The following RTN1 variants were observed in gnomAD, a reference collection of about 807,000 sequenced individuals.
The protein encoded by RTN1 is reticulon 1.
Under a neutral mutation model 65.5 loss-of-function variants are expected in RTN1, and 25 were observed. That is an observed-to-expected ratio of 0.38 (90% CI 0.28 to 0.53). The LOEUF is 0.53. RTN1 is among the 20% of genes least tolerant of loss of function. RTN1 has a pLI of 0.79. For missense variants in RTN1, 983 were observed against 1,025.4 expected (o/e 0.96, Z 0.57); for synonymous variants, 471 against 447.6 (o/e 1.05, Z -0.66).
intron 3 of RTN1, among the ~76,000 whole-genome samples, chr14:59,615,608 C>A (rs142464506): frequency 1.3e-5 from 2 of 152,230 alleles, no homozygotes; most frequent in African/African-American, 4.8e-5. Context: ...GAAAATCTTA[C>A]CCTATGGTCA....
At chr14:59,731,205 C>A (rs903696878) in intron 2 of RTN1, among the ~76,000 whole-genome samples, 1 of 152,074 alleles carries the variant, frequency 6.6e-6, no homozygotes, top group Non-Finnish European at 1.5e-5. Flanking sequence ...ATATGTGTTA[C>A]AACATGGCTA....
intron 3 of RTN1, among the ~76,000 whole-genome samples, chr14:59,657,631 A>G (rs894155924): frequency 6.6e-6 from 1 of 152,174 alleles, no homozygotes; most frequent in African/African-American, 2.4e-5. Context: ...TCACCCAGGA[A>G]GTGCAAGGGG....
chr14:59,609,272 G>A (rs1046951368), intron 3 of RTN1, among the ~76,000 whole-genome samples: 3 of 143,216 alleles, frequency 2.1e-5, no homozygotes, highest in Non-Finnish European at 3.0e-5. Context: ...AAACAAGAGC[G>A]AAACTCTGTC....
intron 4 of RTN1, 133 bp from the exon 5 acceptor site, chr14:59,605,639 G>A: frequency 1.1e-6 from 1 of 871,238 alleles, no homozygotes; most frequent in Non-Finnish European, 1.8e-6. Flanking sequence ...GGGGGGTTAT[G>A]CCAGCCAGTG....
intron 1 of RTN1, among the ~76,000 whole-genome samples, chr14:59,795,423 G>A (rs1392347824): frequency 1.3e-5 from 2 of 152,092 alleles, no homozygotes; most frequent in African/African-American, 4.8e-5. Flanking sequence ...TAACTGGGCC[G>A]GGTGCAGTGG....
chr14:59,737,653 A>G (rs746231834), intron 2 of RTN1, among the ~76,000 whole-genome samples: 30 of 152,254 alleles, frequency 2.0e-4, no homozygotes, highest in Non-Finnish European at 3.4e-4. Flanking sequence ...ACAGAATTAG[A>G]AAAAACTATT....
intron 3 of RTN1, chr14:59,610,090 A>G: frequency 1.3e-6 from 1 of 775,614 alleles, no homozygotes; most frequent in Non-Finnish European, 2.4e-6. Flanking sequence ...GCTATTTTCA[A>G]GTGAATCCCC....
chr14:59,718,572 T>C (rs1416175088), intron 3 of RTN1, among the ~76,000 whole-genome samples: 1 of 152,182 alleles, frequency 6.6e-6, no homozygotes, highest in Non-Finnish European at 1.5e-5. Context: ...TATTGGACCA[T>C]TCCAGCTCCA....
intron 3 of RTN1, among the ~76,000 whole-genome samples, chr14:59,652,815 T>C (rs146375169): frequency 1.2e-4 from 18 of 151,474 alleles, no homozygotes; most frequent in African/African-American, 3.6e-4. Context: ...AAAATAAAAG[T>C]TAAAAAAACA....
Position 59,870,332 on chromosome 14 carries a change from A to C in RTN1, c.241+58T>G. 7.1e-7 allele frequency: 1 copy of C among 1,406,346 alleles called. No individual in the cohort carries two copies. 87.1% of individuals were successfully genotyped at this position (1,406,346 alleles called of 1,614,324 possible). ...GCCCAGGAGAGCCGCGCAGAAGGGGACTGACTGGGGGGCCCTGGTCCCCGA... is the reference window on the plus strand; with the variant it reads ...GCCCAGGAGAGCCGCGCAGAAGGGGCCTGACTGGGGGGCCCTGGTCCCCGA... On this transcript the variant is annotated intron_variant, in intron 1 of 8. Transcript: ENST00000267484. This position sits in a 1 kb window ranked among gnomAD's most constrained non-coding sequence, Gnocchi z 5.1.
intron 2 of RTN1, among the ~76,000 whole-genome samples, chr14:59,742,562 A>C (rs1042705854): frequency 6.6e-6 from 1 of 152,196 alleles, no homozygotes; most frequent in African/African-American, 2.4e-5. Context: ...ATTGGGAGAA[A>C]TATAAATATA....
At chr14:59,627,703 C>T (rs1348573049) in intron 3 of RTN1, among the ~76,000 whole-genome samples, 1 of 152,168 alleles carries the variant, frequency 6.6e-6, no homozygotes, top group Non-Finnish European at 1.5e-5. Context: ...ACATTCTTGT[C>T]TGTAGCTGAA....
chr14:59,641,258 T>C (rs114308086), intron 3 of RTN1, among the ~76,000 whole-genome samples: 4,180 of 152,216 alleles, frequency 0.027, 201 homozygotes, highest in African/African-American at 0.095. Context: ...TGAGCTACCA[T>C]ACCTGGCCTG....
chr14:59,799,872 TGACA>T (rs1886508141), intron 1 of RTN1, among the ~76,000 whole-genome samples: 1 of 152,156 alleles, frequency 6.6e-6, no homozygotes, highest in Non-Finnish European at 1.5e-5. Context: ...AGGCAGAGTT[TGACA>T]GACAAAGAGG....
At position 59,664,810 on chromosome 14, in the gene RTN1, AT is replaced by A. The variant is rs139624669; in HGVS notation, c.1766-57319del. On this transcript the variant is annotated intron_variant, in intron 3 of 8. Transcript: ENST00000267484. The stretch of plus-strand genomic sequence containing the variant: ...TAACTGCTGTGAACATCTGTGTATA[AT>A]TTTTTTTTGTGCAAGCGTAAGTTTT... 2.0e-3 allele frequency among the ~76,000 whole-genome samples: 301 copies of A among 151,710 alleles called. 3 individuals carry two copies. Among genetic ancestry groups the A allele is most frequent in the African/African-American group, 6.2e-3 (256 of 41,404 alleles).
intron 2 of RTN1, among the ~76,000 whole-genome samples, chr14:59,730,224 A>G (rs1467582325): frequency 2.6e-5 from 4 of 152,196 alleles, no homozygotes; most frequent in African/African-American, 9.7e-5. Context: ...TTTACACTAT[A>G]TCATGCTACA....
chr14:59,627,372 C>G (rs1882427986), intron 3 of RTN1, among the ~76,000 whole-genome samples: 1 of 152,322 alleles, frequency 6.6e-6, no homozygotes, highest in Non-Finnish European at 1.5e-5. Context: ...TGTGCCCTTA[C>G]CAAAGCCTCA....
chr14:59,834,020 T>C (rs1453455742), intron 1 of RTN1, among the ~76,000 whole-genome samples: 2 of 152,082 alleles, frequency 1.3e-5, no homozygotes, highest in Non-Finnish European at 2.9e-5. Flanking sequence ...TAAAGATAGA[T>C]AGAAAGATCA....
intron 3 of RTN1, among the ~76,000 whole-genome samples, chr14:59,624,620 C>T (rs1186837222): frequency 6.6e-6 from 1 of 151,988 alleles, no homozygotes; most frequent in African/African-American, 2.4e-5. Flanking sequence ...TGCCACCACG[C>T]CTGACTAGTT....
Sources: gnomAD v4.1 joint callset for allele counts (sites outside exome capture counted in the v4.1 genomes callset) on GRCh38, gnomAD v4.1.1 for gene constraint, Gnocchi (gnomAD v3.1) non-coding constraint, MANE v1.5 for transcripts, NCBI Gene and HGNC (gene_info 2026-07-23, HGNC 2026-07-21) for gene names.